The following RUVBL2 variants were observed in gnomAD, a reference collection of about 807,000 sequenced individuals.
The protein encoded by RUVBL2 is ruvB-like 2.
Under a neutral mutation model 57.9 loss-of-function variants are expected in RUVBL2, and 9 were observed. The ratio of observed to expected loss-of-function variants is 0.16; its 90% CI spans 0.09 to 0.27. The LOEUF is 0.27. Among genes scored for constraint, RUVBL2 ranks in the 10% least tolerant of loss-of-function variants. The pLI, the probability that RUVBL2 is intolerant of heterozygous loss-of-function variation, is 1.00. For synonymous variants in RUVBL2, 278 were observed against 264.6 expected (o/e 1.05, Z -0.49); for missense variants, 456 against 669.6 (o/e 0.68, Z 3.52).
At chr19:48,996,795 G>A (rs1600166181) in intron 1 of RUVBL2, among the ~76,000 whole-genome samples, 1 of 152,102 alleles carries the variant, frequency 6.6e-6, no homozygotes, top group Non-Finnish European at 1.5e-5. Flanking sequence ...CCAAAGTGCT[G>A]GGATTACGGG....
rs183096419 is a variant in RUVBL2, at chr19:49,009,085, C to T, written c.463-691C>T. Among the ~76,000 whole-genome samples, 223 of 129,914 alleles carry T rather than the reference C, an allele frequency of 1.7e-3. 1 individual carries two copies. Among genetic ancestry groups the T allele is most frequent in the African/African-American group, 5.7e-3 (195 of 34,180 alleles). The allele number at this position is 129,914 out of a possible 152,430, so 85.2% of individuals were successfully genotyped here. A position where few individuals can be genotyped will look rare whatever the true frequency, so the allele number is the denominator to read the frequency against. ...CTGAGGCAGGAGAACTACTTGAACC[C>T]GGGAGATGGAGGTTGGAGTGAGCTG... On this transcript the variant is annotated intron_variant, in intron 6 of 14. Coordinates refer to ENST00000595090, the MANE Select transcript of RUVBL2 (RefSeq NM_006666.3).
intron 6 of RUVBL2, among the ~76,000 whole-genome samples, chr19:49,009,457 A>G (rs1040036909): frequency 6.6e-6 from 1 of 152,056 alleles, no homozygotes; most frequent in African/African-American, 2.4e-5. Flanking sequence ...ACTACACTCC[A>G]GCGTGGGCGA....
chr19:48,994,031 G>A, intron 1 of RUVBL2, 108 bp downstream of exon 1: 1 of 1,365,110 alleles, frequency 7.3e-7, no homozygotes, highest in Non-Finnish European at 1.0e-6. Flanking sequence ...GGGATCTGGG[G>A]GTTCAGACTC....
intron 3 of RUVBL2, 70 bp downstream of exon 3, chr19:49,003,404 T>C: frequency 7.4e-7 from 1 of 1,356,998 alleles, no homozygotes; most frequent in Non-Finnish European, 1.0e-6. Context: ...CCCAGGGTCC[T>C]GGGGAGTGTG....
At chr19:49,015,994 C>A (rs779016630), downstream of RUVBL2, 1 of 1,614,062 alleles carries the variant, frequency 6.2e-7, no homozygotes, top group African/African-American at 1.3e-5. Flanking sequence ...GATTGAGAAG[C>A]CTTTATTGTG....
chr19:49,008,583 C>T (rs147147830), intron 6 of RUVBL2, among the ~76,000 whole-genome samples: 12,646 of 151,510 alleles, frequency 0.083, 554 homozygotes, highest in Middle Eastern at 0.11. Context: ...CAGTGGCTCA[C>T]ACCTGTAATC....
At chr19:49,008,030 T>TTTC (rs928378231) in intron 6 of RUVBL2, among the ~76,000 whole-genome samples, 1 of 149,696 alleles carries the variant, frequency 6.7e-6, no homozygotes, top group African/African-American at 2.4e-5. Flanking sequence ...TTTTTTTTTT[T>TTTC]TTTACAATTT....
intron 2 of RUVBL2, among the ~76,000 whole-genome samples, chr19:49,002,221 G>A (rs943720294): frequency 5.3e-4 from 80 of 151,838 alleles, no homozygotes; most frequent in African/African-American, 1.8e-3. Flanking sequence ...GCTAATTTTT[G>A]TATTTTTTAG....
chr19:49,012,711 T>C (rs976932474), intron 11 of RUVBL2, among the ~76,000 whole-genome samples: 5 of 152,234 alleles, frequency 3.3e-5, no homozygotes, highest in African/African-American at 1.2e-4. Context: ...GCTCATGCTG[T>C]AAATAAGTGT....
At chr19:49,005,816 A>G (rs1360856495) in intron 4 of RUVBL2, among the ~76,000 whole-genome samples, 1 of 152,104 alleles carries the variant, frequency 6.6e-6, no homozygotes, top group Non-Finnish European at 1.5e-5. Context: ...TTGTATTTTT[A>G]GTAGAAATGG....
Position 49,010,015 on chromosome 19 carries a change from G to C in RUVBL2, c.612G>C (p.Lys204Asn), listed in dbSNP as rs956038341. 6.3e-7 allele frequency: 1 copy of C among 1,592,478 alleles called. No individual in the cohort carries two copies. The highest frequency in any genetic ancestry group is 1.7e-4 in the Middle Eastern group (1 of 5,938). The stretch of plus-strand genomic sequence containing the variant: ...ACAAGGCGACGGGCAAGATCTCCAA[G>C]CTGGGCCGCTCCTTCACACGCGCCC... ...TIDKATGKIS[K>N]LGRSFTRARD... Residue 204 changes from lysine (K) to asparagine (N), a missense_variant, in exon 8 of 15, where the codon AAG becomes AAC. Physicochemically the swap from Lys to Asn is moderately conservative, Grantham distance 94. Transcript: ENST00000595090.
At position 49,002,120 on chromosome 19, in the gene RUVBL2, T is replaced by A. The variant is rs543018188; in HGVS notation, c.68-1159T>A. 1.8e-4 allele frequency among the ~76,000 whole-genome samples: 28 copies of A among 151,372 alleles called. No individual in the cohort carries two copies. The East Asian group carries it at 4.7e-3, about 25-fold the overall frequency. On this transcript the variant is annotated intron_variant, in intron 2 of 14. Coordinates refer to ENST00000595090, the MANE Select transcript of RUVBL2 (RefSeq NM_006666.3). ...CTGGAGTGCAGTGGGGCGATCTCAG[T>A]TCACTGCAACCTCCACCTCCCTGGT...
At chr19:48,993,851 A>G (rs1445009738), upstream of RUVBL2, 11 of 1,610,106 alleles carry the variant, frequency 6.8e-6, no homozygotes, top group East Asian at 1.8e-4. Flanking sequence ...TAGAGGAGCC[A>G]GAACATCTCG....
rs2039243553 is a variant in RUVBL2, at chr19:49,004,334, G to C, written c.181G>C (p.Glu61Gln). The change falls in exon 4 of 15, where the codon GAG becomes CAG. Residue 61 changes from glutamate to glutamine, a missense_variant. Physicochemically the swap from Glu to Gln is conservative, Grantham distance 29. This residue lies in a region of RUVBL2 where 233 missense variants were observed against 306.0 expected (regional missense o/e 0.76). Coordinates refer to ENST00000595090, the MANE Select transcript of RUVBL2 (RefSeq NM_006666.3). ...AARRAAGVVL[E>Q]MIREGKIAGR... is the part of the protein sequence containing the mutation. ...ACGGCGGGCGGCTGGCGTGGTGCTG[G>C]AGATGATCCGGGAAGGGAAGATTGC... 1 of 1,612,126 alleles carries C rather than the reference G, an allele frequency of 6.2e-7. No homozygotes were observed. Among genetic ancestry groups the C allele is most frequent in the Admixed American group, 1.7e-5 (1 of 59,972 alleles).
At chr19:49,009,100 G>A (rs1433920718) in intron 6 of RUVBL2, among the ~76,000 whole-genome samples, 3 of 139,332 alleles carry the variant, frequency 2.2e-5, no homozygotes, top group Non-Finnish European at 4.6e-5. Context: ...GATGGAGGTT[G>A]GAGTGAGCTG....
intron 13 of RUVBL2, 150 bp from the exon 14 acceptor site, chr19:49,015,422 C>G (rs567949319): frequency 2.6e-4 from 192 of 734,972 alleles, no homozygotes; most frequent in South Asian, 1.1e-3. Context: ...GATGGCCAGG[C>G]AGGATTTGAA....
At chr19:48,996,955 G>A (rs1324976230) in intron 1 of RUVBL2, among the ~76,000 whole-genome samples, 2 of 151,352 alleles carry the variant, frequency 1.3e-5, no homozygotes, top group African/African-American at 4.8e-5. Context: ...GAGCCACTAC[G>A]CCCAGCCTGT....
At chr19:49,012,843 CCACACACACACACACACACA>C (rs58302006) in intron 11 of RUVBL2, among the ~76,000 whole-genome samples, 3 of 141,908 alleles carry the variant, frequency 2.1e-5, no homozygotes, top group East Asian at 2.1e-4. Context: ...TCAGTGCCCA[CCACACACACACACACACACA>C]CACACACACA....
upstream of RUVBL2, chr19:48,993,579 G>C (rs539856556): frequency 4.0e-6 from 2 of 497,868 alleles, no homozygotes; most frequent in African/African-American, 1.9e-5. Flanking sequence ...GGAGGAGGGT[G>C]GGATAAAGAG....
Sources: allele counts gnomAD v4.1 joint callset (sites outside exome capture counted in the v4.1 genomes callset), GRCh38; gene constraint gnomAD v4.1.1; regional missense constraint gnomAD v4.1.1; transcripts MANE v1.5; gene names NCBI Gene and HGNC (gene_info 2026-07-23, HGNC 2026-07-21).